The following NELL1 variants were observed in gnomAD, a reference collection of about 807,000 sequenced individuals.
NELL1 encodes the protein protein kinase C-binding protein NELL1.
A neutral mutation model predicts 107.4 loss-of-function variants in NELL1; 76 were observed. The observed-to-expected ratio is 0.71, with a 90% CI of 0.59 to 0.86. The LOEUF (loss-of-function observed/expected upper bound fraction) is 0.86. NELL1 is among the 40% of genes least tolerant of loss of function. The pLI is 0.00. For synonymous variants in NELL1, 353 were observed against 341.2 expected, an observed-to-expected ratio of 1.03 and a Z score of -0.38; for missense variants, 1,024 against 1,005.5, an observed-to-expected ratio of 1.02 and a Z score of -0.25.
chr11:21,429,379 C>A (rs766040382), intron 15 of NELL1, among the ~76,000 whole-genome samples: 17 of 152,120 alleles, frequency 1.1e-4, no homozygotes, highest in Admixed American at 4.6e-4. Flanking sequence ...AGGGCTTGAA[C>A]CTGAATTTCC....
chr11:20,756,947 A>G (rs1438343691), intron 2 of NELL1, among the ~76,000 whole-genome samples: 1 of 152,092 alleles, frequency 6.6e-6, no homozygotes, highest in Non-Finnish European at 1.5e-5. Context: ...ATGTATGAAC[A>G]CCATATCACT....
chr11:20,682,556 T>C (rs114055951), intron 2 of NELL1, among the ~76,000 whole-genome samples: 6,604 of 152,072 alleles, frequency 0.043, 508 homozygotes, highest in African/African-American at 0.15. Flanking sequence ...CAGACAATTA[T>C]TAGATTAAAA....
In NELL1 at chr11:21,449,677, T is replaced by G. The variant is rs369496247; in HGVS notation, c.1645+78729T>G. Among the ~76,000 whole-genome samples, 13 of 152,324 alleles carry G rather than the reference T, an allele frequency of 8.5e-5. No individual in the cohort carries two copies. In the East Asian group the frequency reaches 1.7e-3, roughly 20 times the overall value. On this transcript the variant is annotated intron_variant, in intron 15 of 19. Coordinates refer to ENST00000357134, the MANE Select transcript of NELL1 (RefSeq NM_006157.5). The stretch of plus-strand genomic sequence containing the variant: ...GTGTTTTGCCTTAGAAATTTTAGTT[T>G]TAGGTTTAATGTTTAAGTCTATGAT...
intron 13 of NELL1, among the ~76,000 whole-genome samples, chr11:21,182,010 A>T (rs1197940503): frequency 6.6e-6 from 1 of 151,918 alleles, no homozygotes; most frequent in Admixed American, 6.6e-5. Flanking sequence ...TTATTATCCC[A>T]ATGTAATAGA....
intron 2 of NELL1, among the ~76,000 whole-genome samples, chr11:20,681,757 T>G (rs1854194869): frequency 6.6e-6 from 1 of 152,132 alleles, no homozygotes; most frequent in Non-Finnish European, 1.5e-5. Context: ...AAGGTGTTAG[T>G]AGGGCTGTGT....
intron 14 of NELL1, among the ~76,000 whole-genome samples, chr11:21,346,655 C>A (rs1850689317): frequency 6.8e-6 from 1 of 147,312 alleles, no homozygotes; most frequent in Admixed American, 6.8e-5. Context: ...GATATAATAT[C>A]AATTTATAAT....
chr11:21,562,621 T>A (rs556405641), intron 17 of NELL1, among the ~76,000 whole-genome samples: 1 of 152,188 alleles, frequency 6.6e-6, no homozygotes, highest in Admixed American at 6.6e-5. Flanking sequence ...TCAATTCAAT[T>A]TGATAAGAAA....
At chr11:20,794,809 G>A (rs1253080062) in intron 3 of NELL1, among the ~76,000 whole-genome samples, 1 of 152,098 alleles carries the variant, frequency 6.6e-6, no homozygotes, top group Non-Finnish European at 1.5e-5. Flanking sequence ...GTGATTAAAG[G>A]AAAATAATGA....
chr11:21,023,064 T>C (rs1852738035), intron 12 of NELL1, among the ~76,000 whole-genome samples: 3 of 151,976 alleles, frequency 2.0e-5, no homozygotes, highest in African/African-American at 7.2e-5. Flanking sequence ...CTCACTGAAA[T>C]TTTCTAACCC....
At chr11:20,730,863 G>C (rs1292817420) in intron 2 of NELL1, among the ~76,000 whole-genome samples, 14 of 152,180 alleles carry the variant, frequency 9.2e-5, no homozygotes, top group Non-Finnish European at 1.2e-4. Flanking sequence ...ACCCAAGGAA[G>C]AACTTCCTAA....
intron 13 of NELL1, among the ~76,000 whole-genome samples, chr11:21,225,073 G>A (rs550725731): frequency 6.6e-6 from 1 of 152,192 alleles, no homozygotes; most frequent in South Asian, 2.1e-4. Flanking sequence ...CTATGGTAAT[G>A]GTATCATTTC....
At chr11:21,087,701 G>A (rs1284566802) in intron 12 of NELL1, among the ~76,000 whole-genome samples, 1 of 152,174 alleles carries the variant, frequency 6.6e-6, no homozygotes, top group African/African-American at 2.4e-5. Flanking sequence ...TTTCCCTTTA[G>A]ATTAGGAGTC....
rs115474704 is a variant in NELL1, at chr11:20,750,135, G to C, written c.185-33545G>C. 3.9e-3 allele frequency among the ~76,000 whole-genome samples: 596 copies of C among 152,136 alleles called. 1 individual carries two copies. The highest frequency in any genetic ancestry group is 0.014 in the African/African-American group (567 of 41,512). Reference sequence around the variant, plus strand: ...TCCCTTTGATTTTAGCCATTCAAACGTATATTTAGTATTATCTCTTTGTGG... The same window carrying C: ...TCCCTTTGATTTTAGCCATTCAAACCTATATTTAGTATTATCTCTTTGTGG... On this transcript the variant is annotated intron_variant, in intron 2 of 19. Coordinates refer to ENST00000357134, the MANE Select transcript of NELL1 (RefSeq NM_006157.5).
At chr11:21,563,462 C>CCG (rs1408810085) in intron 17 of NELL1, among the ~76,000 whole-genome samples, 6 of 151,952 alleles carry the variant, frequency 3.9e-5, no homozygotes, top group Middle Eastern at 3.2e-3. Context: ...GAAGCATAGT[C>CCG]TGCCCTCTGT....
At position 21,112,019 on chromosome 11, in the gene NELL1, T is replaced by C. The variant is rs141880189; in HGVS notation, c.1301-1570T>C. Among the ~76,000 whole-genome samples the C allele has an allele frequency of 4.4e-3, 662 of 152,120 alleles. 3 individuals carry two copies. The highest frequency in any genetic ancestry group is 0.014 in the African/African-American group (570 of 41,522). ...TGACTCCTTCTTTTAGTTTTCCATC[T>C]CTTGGATTCCAGTGGTCTGACTGTA... is the stretch of plus-strand genomic sequence containing the variant. On this transcript the variant is annotated intron_variant, in intron 12 of 19. Coordinates refer to ENST00000357134, the MANE Select transcript of NELL1 (RefSeq NM_006157.5).
intron 12 of NELL1, among the ~76,000 whole-genome samples, chr11:21,105,872 TTC>T (rs1854952612): frequency 5.9e-5 from 2 of 33,898 alleles, no homozygotes; most frequent in African/African-American, 1.6e-4. Context: ...CCCCCTCCCC[TTC>T]CTCTCTCCTC....
chr11:20,983,002 T>C (rs1164408222), intron 12 of NELL1, among the ~76,000 whole-genome samples: 1 of 152,118 alleles, frequency 6.6e-6, no homozygotes, highest in Non-Finnish European at 1.5e-5. Flanking sequence ...AAGATCTGAT[T>C]TTCATTGTTT....
At chr11:21,455,782 G>T (rs1010892001) in intron 15 of NELL1, among the ~76,000 whole-genome samples, 6 of 151,068 alleles carry the variant, frequency 4.0e-5, no homozygotes, top group Non-Finnish European at 7.4e-5. Flanking sequence ...TTGGAAAGAT[G>T]CCAGCCATAA....
At chr11:20,688,207 A>C (rs1854357697) in intron 2 of NELL1, among the ~76,000 whole-genome samples, 1 of 152,060 alleles carries the variant, frequency 6.6e-6, no homozygotes. Flanking sequence ...AAATTAAAAA[A>C]GTTTTCTCTT....
Sources: allele counts gnomAD v4.1 joint callset (sites outside exome capture counted in the v4.1 genomes callset), GRCh38; gene constraint gnomAD v4.1.1; transcripts MANE v1.5; gene names NCBI Gene and HGNC (gene_info 2026-07-23, HGNC 2026-07-21).